RALGPS1: variants seen among roughly 807,000 people sequenced by gnomAD.
The protein encoded by RALGPS1 is Ral GEF with PH domain and SH3 binding motif 1, also known as ras-specific guanine nucleotide-releasing factor RalGPS1.
RALGPS1 carries 19 observed loss-of-function variants against 78.8 expected under a neutral mutation model. That is an observed-to-expected ratio of 0.24 (90% CI 0.17 to 0.35). RALGPS1 has a LOEUF of 0.35. Among genes scored for constraint, RALGPS1 ranks in the 10% least tolerant of loss-of-function variants. RALGPS1 has a pLI of 1.00. For synonymous variants in RALGPS1, 228 were observed against 256.3 expected (o/e 0.89, Z 1.06); for missense variants, 454 against 688.3 (o/e 0.66, Z 3.81).
chr9:126,993,864 G>C (rs983020927), intron 4 of RALGPS1, among the ~76,000 whole-genome samples: 1 of 152,184 alleles, frequency 6.6e-6, no homozygotes, highest in Non-Finnish European at 1.5e-5. Flanking sequence ...AGCATTTGCG[G>C]TTCACCAGTA....
chr9:126,965,709 A>G, intron 2 of RALGPS1, 135 bp from the exon 3 acceptor site: 1 of 640,580 alleles, frequency 1.6e-6, no homozygotes, highest in Non-Finnish European at 2.8e-6. Context: ...GACTGGGGTA[A>G]AGCTCTAATC....
chr9:126,921,429 C>T (rs976066655), intron 1 of RALGPS1, among the ~76,000 whole-genome samples: 1 of 152,254 alleles, frequency 6.6e-6, no homozygotes, highest in African/African-American at 2.4e-5. Context: ...CTGCACTGAT[C>T]ATTCCATGAC....
intron 11 of RALGPS1, among the ~76,000 whole-genome samples, chr9:127,182,659 C>T (rs1430501756): frequency 6.6e-6 from 1 of 152,206 alleles, no homozygotes; most frequent in African/African-American, 2.4e-5. Context: ...GAACTCCTGA[C>T]CTCAGGTGAT....
intron 11 of RALGPS1, chr9:127,178,263 G>A (rs2059998270): frequency 1.4e-5 from 5 of 362,070 alleles, no homozygotes; most frequent in South Asian, 1.1e-4. Context: ...AAAGCTGGGG[G>A]CAAGGGGTCC....
chr9:127,183,785 G>A lies in RALGPS1; in HGVS notation c.910+9003G>A, dbSNP rs2060445864. 8.1e-7 allele frequency: 1 copy of A among 1,231,982 alleles called. No individual in the cohort carries two copies. The highest frequency in any genetic ancestry group is 1.5e-5 in the African/African-American group (1 of 66,198). 76.3% of individuals were successfully genotyped at this position (1,231,982 alleles called of 1,614,324 possible). A position where few individuals can be genotyped will look rare whatever the true frequency, so the allele number is the denominator to read the frequency against. Reference sequence around the variant, plus strand: ...ATATTTTCGGAATGGATGGGTGGGAGGGGCCCTCCATGAGGACCTCAGGGA... The same window carrying A: ...ATATTTTCGGAATGGATGGGTGGGAAGGGCCCTCCATGAGGACCTCAGGGA... On this transcript the variant is annotated intron_variant, in intron 11 of 18. Transcript: ENST00000259351. This position sits in a 1 kb window ranked among gnomAD's most constrained non-coding sequence, Gnocchi z 4.0.
chr9:127,194,574 G>A (rs912283054), intron 11 of RALGPS1, among the ~76,000 whole-genome samples: 5 of 152,126 alleles, frequency 3.3e-5, no homozygotes, highest in African/African-American at 4.8e-5. Flanking sequence ...CACCACACCC[G>A]GTGGATTTTT....
At chr9:126,965,259 T>G (rs2039363033) in intron 2 of RALGPS1, among the ~76,000 whole-genome samples, 1 of 152,240 alleles carries the variant, frequency 6.6e-6, no homozygotes, top group Non-Finnish European at 1.5e-5. Flanking sequence ...GGCTTTGAAT[T>G]CCAAGTGCCC....
Position 127,219,961 on chromosome 9 carries a change from C to T in RALGPS1, c.*1192C>T, listed in dbSNP as rs1047799460. 2.6e-5 allele frequency: 4 copies of T among 152,674 alleles called. No individual in the cohort carries two copies. Among genetic ancestry groups the T allele is most frequent in the African/African-American group, 9.6e-5 (4 of 41,470 alleles). The allele number at this position is 152,674 out of a possible 1,614,324, so 9.5% of individuals were successfully genotyped here. On this transcript the variant is annotated 3_prime_UTR_variant, in exon 19 of 19. Coordinates refer to ENST00000259351, the MANE Select transcript of RALGPS1 (RefSeq NM_014636.3). This position sits in a 1 kb window ranked among gnomAD's most constrained non-coding sequence, Gnocchi z 5.0. ...ATGACCGTGTGACAATAGAGCGAAG[C>T]CCCGGGGAGTGAACGGTCCAACCTC...
intron 8 of RALGPS1, among the ~76,000 whole-genome samples, chr9:127,146,195 A>G (rs2058084210): frequency 6.6e-6 from 1 of 152,124 alleles, no homozygotes; most frequent in East Asian, 1.9e-4. Context: ...GTGCTACCTA[A>G]TAGGTAGTTT....
chr9:126,971,295 G>T (rs1369671638), intron 3 of RALGPS1, among the ~76,000 whole-genome samples: 2 of 149,744 alleles, frequency 1.3e-5, no homozygotes, highest in Admixed American at 1.3e-4. Flanking sequence ...AAAAAGATTT[G>T]AAACCGCATA....
Position 126,972,674 on chromosome 9 carries a change from A to G in RALGPS1, c.166-5021A>G, listed in dbSNP as rs749649374. ...ATGGAAGAACACATTGACCTGTTCC[A>G]TAAGTGTGGAGAACTTATGGCTTGG... On this transcript the variant is annotated intron_variant, in intron 3 of 18. Transcript: ENST00000259351. Among the ~76,000 whole-genome samples the G allele has an allele frequency of 5.3e-5, 8 of 152,378 alleles. 1 individual carries two copies. The Middle Eastern group carries it at 0.014, about 259-fold the overall frequency.
chr9:127,061,367 A>G (rs1227171781), intron 7 of RALGPS1, among the ~76,000 whole-genome samples: 2 of 152,212 alleles, frequency 1.3e-5, no homozygotes, highest in African/African-American at 2.4e-5. Flanking sequence ...TTTGCTGTTC[A>G]TGCTTAGCAG....
intron 1 of RALGPS1, among the ~76,000 whole-genome samples, chr9:126,953,562 G>A (rs2038065372): frequency 6.6e-6 from 1 of 152,194 alleles, no homozygotes; most frequent in Non-Finnish European, 1.5e-5. Flanking sequence ...GTATAAAAAT[G>A]TAGCCCCTAC....
At chr9:127,162,296 G>A (rs778542626) in intron 8 of RALGPS1, among the ~76,000 whole-genome samples, 17 of 152,178 alleles carry the variant, frequency 1.1e-4, no homozygotes, top group Non-Finnish European at 2.2e-4. Flanking sequence ...GTCTGTGTGC[G>A]GTTGTGGGGT....
At chr9:127,045,793 A>G (rs1281952664) in intron 5 of RALGPS1, among the ~76,000 whole-genome samples, 1 of 136,874 alleles carries the variant, frequency 7.3e-6, no homozygotes, top group Non-Finnish European at 1.6e-5. Context: ...ACACACACAC[A>G]CACAATTTCT....
chr9:127,188,536 A>C (rs1225380786), intron 11 of RALGPS1, among the ~76,000 whole-genome samples: 1 of 151,974 alleles, frequency 6.6e-6, no homozygotes, highest in Non-Finnish European at 1.5e-5. Context: ...GGCCTCAGAG[A>C]GCCTCTCCTC....
At chr9:127,063,829 T>C (rs886763546) in intron 7 of RALGPS1, among the ~76,000 whole-genome samples, 10 of 152,276 alleles carry the variant, frequency 6.6e-5, no homozygotes, top group African/African-American at 2.4e-4. Flanking sequence ...ATCTTGGCTT[T>C]TATTTGGTCT....
intron 12 of RALGPS1, 131 bp downstream of exon 12, chr9:127,195,348 T>A (rs1809438082): frequency 7.8e-7 from 1 of 1,276,764 alleles, no homozygotes; most frequent in African/African-American, 1.5e-5. Context: ...ATGAGAGCTC[T>A]TGGAATCCTG....
At chr9:127,117,250 A>C (rs1179811981) in intron 8 of RALGPS1, among the ~76,000 whole-genome samples, 2 of 151,832 alleles carry the variant, frequency 1.3e-5, no homozygotes, top group Non-Finnish European at 2.9e-5. Context: ...GCTGCTTCCA[A>C]CTCAACACCC....
Sources: allele counts gnomAD v4.1 joint callset (sites outside exome capture counted in the v4.1 genomes callset), GRCh38; gene constraint gnomAD v4.1.1; non-coding constraint Gnocchi (gnomAD v3.1); transcripts MANE v1.5; gene names NCBI Gene and HGNC (gene_info 2026-07-23, HGNC 2026-07-21).